The following CYFIP2 variants were observed in gnomAD, a reference collection of about 807,000 sequenced individuals.
CYFIP2 encodes the protein cytoplasmic FMR1 interacting protein 2, also known as cytoplasmic FMR1-interacting protein 2.
In CYFIP2, 29 loss-of-function variants were observed where a neutral mutation model predicts 158.7. That is an observed-to-expected ratio of 0.18 (90% CI 0.14 to 0.25). The LOEUF (loss-of-function observed/expected upper bound fraction) is 0.25. Ranked by LOEUF, CYFIP2 falls within the 10% of genes least tolerant of loss-of-function variation. The probability of loss-of-function intolerance (pLI) is 1.00; values close to 1 mark genes in which losing one functional copy is unlikely to be tolerated. For synonymous variants in CYFIP2, 585 were observed against 617.6 expected, an observed-to-expected ratio of 0.95 and a Z score of 0.78; for missense variants, 852 against 1,639.5, an observed-to-expected ratio of 0.52 and a Z score of 8.29.
At chr5:157,306,301 T>C (rs1282327734) in intron 8 of CYFIP2, among the ~76,000 whole-genome samples, 2 of 152,214 alleles carry the variant, frequency 1.3e-5, no homozygotes, top group Non-Finnish European at 2.9e-5. Context: ...GAGAAGCCAC[T>C]CACAGTTCAC....
chr5:157,356,396 A>C (rs533684220), intron 23 of CYFIP2, among the ~76,000 whole-genome samples: 87 of 152,314 alleles, frequency 5.7e-4, no homozygotes, highest in African/African-American at 1.9e-3. Flanking sequence ...GGATTTCAAC[A>C]CAAAAATCCT....
At chr5:157,287,173 C>G in intron 3 of CYFIP2, 65 bp downstream of exon 3, 1 of 1,310,394 alleles carries the variant, frequency 7.6e-7, no homozygotes, top group Non-Finnish European at 1.1e-6. Context: ...CCGCGGGCAG[C>G]TTCTCACACC....
At chr5:157,386,836 C>T (rs1328626570) in intron 28 of CYFIP2, among the ~76,000 whole-genome samples, 1 of 151,456 alleles carries the variant, frequency 6.6e-6, no homozygotes, top group Non-Finnish European at 1.5e-5. Flanking sequence ...AGGAGAATGG[C>T]TCGAACCCGG....
intron 26 of CYFIP2, among the ~76,000 whole-genome samples, chr5:157,369,886 T>TTTTG (rs1764816675): frequency 6.7e-6 from 1 of 148,830 alleles, no homozygotes; most frequent in African/African-American, 2.5e-5. Context: ...CTAGTTTTTT[T>TTTTG]TTTTTTTTTT....
chr5:157,355,499 A>G (rs1337534237), intron 23 of CYFIP2, among the ~76,000 whole-genome samples: 1 of 152,174 alleles, frequency 6.6e-6, no homozygotes, highest in Admixed American at 6.5e-5. Context: ...TACTTAGGGG[A>G]AATTAAGGCT....
chr5:157,338,950 TTGTC>T, intron 21 of CYFIP2, 103 bp from the exon 22 acceptor site: 1 of 1,127,482 alleles, frequency 8.9e-7, no homozygotes, highest in Non-Finnish European at 1.3e-6. Context: ...GGCCAGGAGG[TTGTC>T]TGAGCAGCTG....
At chr5:157,380,324 A>G (rs1765925716) in intron 26 of CYFIP2, among the ~76,000 whole-genome samples, 1 of 152,242 alleles carries the variant, frequency 6.6e-6, no homozygotes, top group Non-Finnish European at 1.5e-5. Context: ...CAGGCAAGAA[A>G]GGGGTCTTTT....
intron 15 of CYFIP2, chr5:157,322,959 G>A (rs1238879618): frequency 1.4e-5 from 21 of 1,535,676 alleles, no homozygotes; most frequent in Admixed American, 3.9e-5. Flanking sequence ...AGTGGTCCCC[G>A]AGGGCTTTGT....
intron 24 of CYFIP2, 42 bp downstream of exon 24, chr5:157,359,190 G>T (rs1439495834): frequency 6.2e-7 from 1 of 1,605,538 alleles, no homozygotes; most frequent in South Asian, 1.1e-5. Flanking sequence ...TGCCCATGTG[G>T]GTTTGACATA....
At chr5:157,316,926 G>A (rs1411152958) in intron 13 of CYFIP2, among the ~76,000 whole-genome samples, 3 of 152,122 alleles carry the variant, frequency 2.0e-5, no homozygotes, top group Non-Finnish European at 4.4e-5. Flanking sequence ...ATTGTCCTGA[G>A]TGGCTCCAGA....
chr5:157,391,826 T>C (rs563485412), intron 30 of CYFIP2, among the ~76,000 whole-genome samples: 1 of 133,796 alleles, frequency 7.5e-6, no homozygotes, highest in South Asian at 2.4e-4. Flanking sequence ...GGTAATTCTA[T>C]GTTTAACTTT....
At chr5:157,291,067 T>C (rs577427961) in intron 3 of CYFIP2, among the ~76,000 whole-genome samples, 1 of 152,154 alleles carries the variant, frequency 6.6e-6, no homozygotes, top group Non-Finnish European at 1.5e-5. Flanking sequence ...ACCTTAGAGA[T>C]CCTTAGTCCT....
chr5:157,269,515 A>G (rs1755899116), intron 1 of CYFIP2: 1 of 152,174 alleles, frequency 6.6e-6, no homozygotes, highest in Admixed American at 6.5e-5. Flanking sequence ...TCTGACGTTC[A>G]AAATTGAGCA....
At position 157,359,144 on chromosome 5, in the gene CYFIP2, G is replaced by C. The variant is rs778281246; in HGVS notation, c.2813G>C (p.Ser938Thr). Reference protein sequence around the residue: ...VMEELLKIVKSLLQGTILQYV... With the variant: ...VMEELLKIVKTLLQGTILQYV... The stretch of plus-strand genomic sequence containing the variant: ...GAGGAACTGCTAAAGATTGTGAAGA[G>C]CTTGGTAAGGAAAGGCCTCAGTGTG... Residue 938 changes from serine to threonine, a missense_variant, in exon 24 of 31, where the codon AGC (serine) becomes ACC (threonine). Physicochemically the swap from Ser to Thr is moderately conservative, Grantham distance 58 (BLOSUM62 1). This residue lies in a region of CYFIP2 where 191 missense variants were observed against 311.2 expected (regional missense o/e 0.61). Transcript: ENST00000620254. 1 of 1,613,870 alleles carries C rather than the reference G, an allele frequency of 6.2e-7. No homozygotes were observed.
chr5:157,311,822 G>T lies in CYFIP2; in HGVS notation c.1110+41G>T, dbSNP rs393178. 47 of 1,539,448 alleles carry T rather than the reference G, an allele frequency of 3.1e-5. No individual in the cohort carries two copies. The highest frequency in any genetic ancestry group is 3.7e-5 in the Non-Finnish European group (42 of 1,133,664). ...GCTGGGGCACAGGCCCGTGGGCCCA[G>T]GGCCAGAAGGGGTAAGGAGCAGCCA... On this transcript the variant is annotated intron_variant, in intron 11 of 30. Coordinates refer to ENST00000620254, the MANE Select transcript of CYFIP2 (RefSeq NM_001037333.3). This position sits in a 1 kb window ranked among gnomAD's most constrained non-coding sequence, Gnocchi z 4.7.
At chr5:157,392,413 G>T (rs1202968481) in intron 30 of CYFIP2, among the ~76,000 whole-genome samples, 1 of 152,160 alleles carries the variant, frequency 6.6e-6, no homozygotes, top group Non-Finnish European at 1.5e-5. Flanking sequence ...ATGGTATAAG[G>T]TAAGCGTCCA....
intron 26 of CYFIP2, among the ~76,000 whole-genome samples, chr5:157,378,137 TGG>T (rs1196525455): frequency 6.6e-6 from 1 of 152,200 alleles, no homozygotes; most frequent in South Asian, 2.1e-4. Context: ...AAGGAATTTT[TGG>T]GTACAAACTG....
In CYFIP2 at chr5:157,394,534, T is replaced by C. The variant is rs1172495412; in HGVS notation, c.*1534T>C. 2 of 152,100 alleles carry C rather than the reference T, an allele frequency of 1.3e-5. No homozygotes were observed. The highest frequency in any genetic ancestry group is 2.4e-5 in the African/African-American group (1 of 41,416). The allele number at this position is 152,100 out of a possible 1,614,324, so 9.4% of individuals were successfully genotyped here. A position where few individuals can be genotyped will look rare whatever the true frequency, so the allele number is the denominator to read the frequency against. On this transcript the variant is annotated 3_prime_UTR_variant, in exon 31 of 31. Transcript: ENST00000620254. ...GGCCCCTTAGGTCAGATCCTGAGAG[T>C]AGCACATTTGAGTGCAGATTCCTGG...
chr5:157,272,928 G>T (rs1028153157), intron 1 of CYFIP2, among the ~76,000 whole-genome samples: 1 of 152,094 alleles, frequency 6.6e-6, no homozygotes, highest in Non-Finnish European at 1.5e-5. Context: ...GTGCAGTGGC[G>T]TGATCTCAGC....
Sources: allele counts gnomAD v4.1 joint callset (sites outside exome capture counted in the v4.1 genomes callset), GRCh38; gene constraint gnomAD v4.1.1; regional missense constraint gnomAD v4.1.1; non-coding constraint Gnocchi (gnomAD v3.1); transcripts MANE v1.5; gene names NCBI Gene and HGNC (gene_info 2026-07-23, HGNC 2026-07-21).